The following ELP4 variants were observed in gnomAD, a reference collection of about 807,000 sequenced individuals.
ELP4 encodes the protein elongator complex protein 4.
Under a neutral mutation model 48.9 loss-of-function variants are expected in ELP4, and 51 were observed. That is an observed-to-expected ratio of 1.04 (90% CI 0.83 to 1.32). The LOEUF is 1.32. Ranked by LOEUF, ELP4 falls within the 40% of genes most tolerant of loss-of-function variation. The probability of loss-of-function intolerance (pLI) is 0.00; values close to 1 mark genes in which losing one functional copy is unlikely to be tolerated. For synonymous variants in ELP4, 210 were observed against 189.2 expected, an observed-to-expected ratio of 1.11 and a Z score of -0.90; for missense variants, 519 against 514.6, an observed-to-expected ratio of 1.01 and a Z score of -0.08.
chr11:31,692,040 G>A (rs749252895), intron 9 of ELP4, among the ~76,000 whole-genome samples: 1 of 152,186 alleles, frequency 6.6e-6, no homozygotes, highest in Non-Finnish European at 1.5e-5. Context: ...CAACATAACA[G>A]TGAGATGAAA....
intron 9 of ELP4, among the ~76,000 whole-genome samples, chr11:31,734,268 G>A (rs1312638254): frequency 6.6e-6 from 1 of 152,190 alleles, no homozygotes; most frequent in Non-Finnish European, 1.5e-5. Flanking sequence ...ACTGTATGGT[G>A]AAAAACTGAA....
chr11:31,736,183 C>G (rs544532203), intron 9 of ELP4, among the ~76,000 whole-genome samples: 4 of 152,294 alleles, frequency 2.6e-5, no homozygotes, highest in African/African-American at 9.6e-5. Flanking sequence ...ATATCTACAA[C>G]TATCTGATCT....
At chr11:31,780,182 T>C (rs1948340190) in intron 9 of ELP4, among the ~76,000 whole-genome samples, 1 of 152,190 alleles carries the variant, frequency 6.6e-6, no homozygotes, top group Non-Finnish European at 1.5e-5. Context: ...TGCAGCATTT[T>C]TTTTCAGAAG....
At chr11:31,748,614 T>C (rs1592278401) in intron 9 of ELP4, among the ~76,000 whole-genome samples, 1 of 152,200 alleles carries the variant, frequency 6.6e-6, no homozygotes, top group African/African-American at 2.4e-5. Context: ...CTATGACTAT[T>C]ATTGGTGTCT....
Position 31,706,445 on chromosome 11 carries a change from ATATAGTGAGACCCCATCT to A in ELP4, c.1143+56225_1143+56242del, listed in dbSNP as rs142984632. Among the ~76,000 whole-genome samples, 1,223 of 151,276 alleles carry A rather than the reference ATATAGTGAGACCCCATCT, an allele frequency of 8.1e-3. 16 individuals carry two copies. Among genetic ancestry groups the A allele is most frequent in the African/African-American group, 0.029 (1,181 of 41,372 alleles). ...CAGCACTTCAAGACCAGCCTAGTCT[ATATAGTGAGACCCCATCT>A]CTACCAAAAAAAAGTTTTAATTAAA... On this transcript the variant is annotated intron_variant, in intron 9 of 9. Coordinates refer to ENST00000640961, the MANE Select transcript of ELP4 (RefSeq NM_019040.5).
chr11:31,673,474 G>C (rs1182772407), intron 9 of ELP4, among the ~76,000 whole-genome samples: 1 of 152,100 alleles, frequency 6.6e-6, no homozygotes, highest in Admixed American at 6.5e-5. Flanking sequence ...TATGACTACA[G>C]ACAAGTGCCA....
rs1382790102 is a variant in ELP4, at chr11:31,785,415, A to G, written c.*1891A>G. On this transcript the variant is annotated 3_prime_UTR_variant, in exon 10 of 10. Coordinates refer to ENST00000640961, the MANE Select transcript of ELP4 (RefSeq NM_019040.5). Reference sequence around the variant, plus strand: ...TCAAAATACTTAATAGGTCATTGATATACTTCCCTGGCTACCATGTCTATA... The same window carrying G: ...TCAAAATACTTAATAGGTCATTGATGTACTTCCCTGGCTACCATGTCTATA... The G allele has an allele frequency of 5.4e-6, 1 of 186,892 alleles. No homozygotes were observed. The highest frequency in any genetic ancestry group is 1.1e-5 in the Non-Finnish European group (1 of 88,558). The allele number at this position is 186,892 out of a possible 1,614,324, so 11.6% of individuals were successfully genotyped here.
At chr11:31,667,452 T>G (rs1945704552) in intron 9 of ELP4, among the ~76,000 whole-genome samples, 1 of 152,200 alleles carries the variant, frequency 6.6e-6, no homozygotes, top group Non-Finnish European at 1.5e-5. Flanking sequence ...ACAGAAGTGA[T>G]TACTTAGTAT....
At chr11:31,686,942 G>C (rs1946174480) in intron 9 of ELP4, among the ~76,000 whole-genome samples, 1 of 151,928 alleles carries the variant, frequency 6.6e-6, no homozygotes, top group Non-Finnish European at 1.5e-5. Context: ...GACAAGACTA[G>C]AGGCCAAGAG....
At position 31,672,858 on chromosome 11, in the gene ELP4, A is replaced by G. The variant is rs145988147; in HGVS notation, c.1143+22637A>G. On this transcript the variant is annotated intron_variant, in intron 9 of 9. Transcript: ENST00000640961. ...AAAGTCATAATTCAGTAAAACAGTTATCACATGCACAGTTCACCCAAATGA... is the reference window on the plus strand; with the variant it reads ...AAAGTCATAATTCAGTAAAACAGTTGTCACATGCACAGTTCACCCAAATGA... Among the ~76,000 whole-genome samples the G allele has an allele frequency of 8.2e-3, 1,251 of 152,322 alleles. 8 individuals carry two copies. Among genetic ancestry groups the G allele is most frequent in the Middle Eastern group, 0.017 (5 of 294 alleles).
At chr11:31,549,998 G>T (rs530372055) in intron 3 of ELP4, among the ~76,000 whole-genome samples, 130 of 152,138 alleles carry the variant, frequency 8.5e-4, no homozygotes, top group African/African-American at 3.1e-3. Flanking sequence ...AGGTGGGGTA[G>T]GGGGGAGGGA....
intron 9 of ELP4, among the ~76,000 whole-genome samples, chr11:31,716,161 C>T (rs554977032): frequency 3.3e-5 from 5 of 152,182 alleles, no homozygotes; most frequent in African/African-American, 1.2e-4. Context: ...ACTACGGGCA[C>T]ACACCACCAC....
intron 7 of ELP4, among the ~76,000 whole-genome samples, chr11:31,641,846 G>T (rs1281114126): frequency 6.6e-6 from 1 of 151,840 alleles, no homozygotes; most frequent in Non-Finnish European, 1.5e-5. Context: ...TCTTTAACCT[G>T]CTACTGCATC....
At chr11:31,727,538 G>T (rs780439336) in intron 9 of ELP4, among the ~76,000 whole-genome samples, 1 of 152,062 alleles carries the variant, frequency 6.6e-6, no homozygotes, top group South Asian at 2.1e-4. Context: ...TACTGTGTTC[G>T]CTTACTCTTG....
At chr11:31,545,015 T>G (rs965475302) in intron 3 of ELP4, among the ~76,000 whole-genome samples, 3 of 151,558 alleles carry the variant, frequency 2.0e-5, no homozygotes, top group Non-Finnish European at 4.4e-5. Context: ...ATCACAATCA[T>G]CAAAGACCAA....
In ELP4 at chr11:31,539,674, A is replaced by T; in HGVS notation, c.272A>T (p.Tyr91Phe). Residue 91 changes from tyrosine (Y) to phenylalanine (F), a missense_variant, in exon 3 of 10, where the codon TAT (tyrosine) becomes TTT (phenylalanine). Tyr to Phe is a conservative substitution (Grantham distance 22). Transcript: ENST00000640961. ...TTCCTTTTTACAGAGGAGGATAAATATAATATTTACTCACCTTTGCTCTTC... is the reference window on the plus strand; with the variant it reads ...TTCCTTTTTACAGAGGAGGATAAATTTAATATTTACTCACCTTTGCTCTTC... ...GTVLLIEEDKYNIYSPLLFKY... is the reference protein window; with the variant it reads ...GTVLLIEEDKFNIYSPLLFKY... 6.2e-7 allele frequency: 1 copy of T among 1,606,052 alleles called. No individual in the cohort carries two copies. Among genetic ancestry groups the T allele is most frequent in the Non-Finnish European group, 8.5e-7 (1 of 1,176,618 alleles).
chr11:31,657,685 A>G (rs1461253366), intron 9 of ELP4, among the ~76,000 whole-genome samples: 4 of 152,004 alleles, frequency 2.6e-5, no homozygotes, highest in Non-Finnish European at 4.4e-5. Context: ...CCTTGCATAC[A>G]TACTATTTCA....
At chr11:31,583,150 A>G (rs56410390) in intron 3 of ELP4, among the ~76,000 whole-genome samples, 1 of 152,118 alleles carries the variant, frequency 6.6e-6, no homozygotes, top group Non-Finnish European at 1.5e-5. Context: ...AAATTTTTCA[A>G]CCAACCCTTC....
At chr11:31,521,717 A>G (rs559322625) in intron 2 of ELP4, among the ~76,000 whole-genome samples, 55 of 152,184 alleles carry the variant, frequency 3.6e-4, no homozygotes, top group Non-Finnish European at 6.2e-4. Flanking sequence ...TCTCCATTCC[A>G]GTCAAAAAGT....
Sources: gnomAD v4.1 joint callset for allele counts (sites outside exome capture counted in the v4.1 genomes callset) on GRCh38, gnomAD v4.1.1 for gene constraint, MANE v1.5 for transcripts, NCBI Gene and HGNC (gene_info 2026-07-23, HGNC 2026-07-21) for gene names.